HCFC2: variants seen among roughly 807,000 people sequenced by gnomAD.
HCFC2 encodes the protein host cell factor 2.
Under a neutral mutation model 89.2 loss-of-function variants are expected in HCFC2, and 18 were observed. The ratio of observed to expected loss-of-function variants is 0.20; its 90% CI spans 0.14 to 0.30. The LOEUF (loss-of-function observed/expected upper bound fraction) is 0.30, where lower values mean the gene tolerates loss of function less well. Ranked by LOEUF, HCFC2 falls within the 10% of genes least tolerant of loss-of-function variation. The probability of loss-of-function intolerance (pLI) is 1.00; values close to 1 mark genes in which losing one functional copy is unlikely to be tolerated. For missense variants in HCFC2, 578 were observed against 956.1 expected (o/e 0.60, Z 5.21); for synonymous variants, 308 against 335.7 (o/e 0.92, Z 0.90).
chr12:104,098,627 T>C (rs1277087986), intron 13 of HCFC2, 147 bp downstream of exon 13: 16 of 744,476 alleles, frequency 2.1e-5, no homozygotes, highest in Non-Finnish European at 3.5e-5. Flanking sequence ...ATGAGTAAAA[T>C]TGGGATCCAT....
intron 3 of HCFC2, among the ~76,000 whole-genome samples, chr12:104,072,458 A>G (rs1336541165): frequency 6.6e-6 from 1 of 152,142 alleles, no homozygotes; most frequent in East Asian, 1.9e-4. Flanking sequence ...TTTGAGGAGA[A>G]TCACCATCTT....
intron 7 of HCFC2, among the ~76,000 whole-genome samples, chr12:104,085,145 C>T (rs376182822): frequency 6.6e-6 from 1 of 152,190 alleles, no homozygotes; most frequent in African/African-American, 2.4e-5. Flanking sequence ...GAAGGACACA[C>T]ACCAAAGCAT....
At chr12:104,090,465 A>G (rs1593606684) in intron 9 of HCFC2, among the ~76,000 whole-genome samples, 1 of 151,496 alleles carries the variant, frequency 6.6e-6, no homozygotes, top group Non-Finnish European at 1.5e-5. Flanking sequence ...CATGACCTTC[A>G]TTACTGATGA....
intron 3 of HCFC2, among the ~76,000 whole-genome samples, chr12:104,077,496 G>A (rs1417343088): frequency 2.0e-5 from 3 of 150,796 alleles, no homozygotes; most frequent in Non-Finnish European, 2.9e-5. Context: ...TGCCCGCCTC[G>A]GCCTCCCAAA....
rs1338300146 is a variant in HCFC2, at chr12:104,095,597, C to T, written c.1666+34C>T. On this transcript the variant is annotated intron_variant, in intron 11 of 14. Transcript: ENST00000229330. This position sits in a 1 kb window ranked among gnomAD's most constrained non-coding sequence, Gnocchi z 4.2. The stretch of plus-strand genomic sequence containing the variant: ...TGTGTTTCACATACTGTATTTTGAA[C>T]CATTTATGTATATAAATTCATCAAA... 7 of 1,522,848 alleles carry T rather than the reference C, an allele frequency of 4.6e-6. No individual in the cohort carries two copies. Among genetic ancestry groups the T allele is most frequent in the Non-Finnish European group, 6.4e-6 (7 of 1,100,370 alleles). The allele number at this position is 1,522,848 out of a possible 1,614,324, so 94.3% of individuals were successfully genotyped here.
At chr12:104,088,664 T>C (rs1883938416) in intron 9 of HCFC2, among the ~76,000 whole-genome samples, 1 of 152,204 alleles carries the variant, frequency 6.6e-6, no homozygotes, top group South Asian at 2.1e-4. Flanking sequence ...GCTCATACGT[T>C]CTGAGTATGA....
Position 104,080,747 on chromosome 12 carries a change from A to G in HCFC2, c.684A>G (p.Glu228=). The G allele has an allele frequency of 6.3e-7, 1 of 1,580,828 alleles. No homozygotes were observed. Among genetic ancestry groups the G allele is most frequent in the East Asian group, 2.2e-5 (1 of 44,454 alleles). Residue 228 remains glutamate (E), a splice_region_variant and synonymous_variant, in exon 5 of 15, where the codon GAA becomes GAG. Coordinates refer to ENST00000229330, the MANE Select transcript of HCFC2 (RefSeq NM_013320.3). The stretch of plus-strand genomic sequence containing the variant: ...TAATATAATTATTTTTACTTTTAGA[A>G]ACTATGTCATGGTCAAAACCAGAAA... ...RLDDLWQLDL[E]TMSWSKPETK...
At position 104,099,377 on chromosome 12, in the gene HCFC2, C is replaced by T. The variant is rs1214694402; in HGVS notation, c.1878+897C>T. 2.6e-5 allele frequency among the ~76,000 whole-genome samples: 4 copies of T among 152,276 alleles called. No individual in the cohort carries two copies. In the East Asian group the frequency reaches 5.8e-4, roughly 22 times the overall value. On this transcript the variant is annotated intron_variant, in intron 13 of 14. Coordinates refer to ENST00000229330, the MANE Select transcript of HCFC2 (RefSeq NM_013320.3). Reference sequence around the variant, plus strand: ...GTGGGAAAACAGATCCAAATCATATCACCAAGTTACATTGTATTCTGTGTT... The same window carrying T: ...GTGGGAAAACAGATCCAAATCATATTACCAAGTTACATTGTATTCTGTGTT...
At chr12:104,073,496 A>G (rs1214716280) in intron 3 of HCFC2, among the ~76,000 whole-genome samples, 3 of 152,100 alleles carry the variant, frequency 2.0e-5, no homozygotes, top group Non-Finnish European at 2.9e-5. Flanking sequence ...TTTTCTGTTT[A>G]GTTTCATCAT....
At chr12:104,085,024 G>A (rs946989008) in intron 7 of HCFC2, among the ~76,000 whole-genome samples, 3 of 152,114 alleles carry the variant, frequency 2.0e-5, no homozygotes, top group Non-Finnish European at 4.4e-5. Flanking sequence ...GAATCTAGAG[G>A]CCATTAGAGA....
intron 4 of HCFC2, chr12:104,080,496 T>G (rs540289312): frequency 3.5e-6 from 1 of 283,462 alleles, no homozygotes; most frequent in African/African-American, 2.2e-5. Context: ...ATTTTCAGTC[T>G]GTGGTTAGTT....
chr12:104,088,082 T>C, intron 9 of HCFC2, 44 bp downstream of exon 9: 2 of 1,380,032 alleles, frequency 1.4e-6, no homozygotes, highest in Non-Finnish European at 2.0e-6. Context: ...TTTATGGTTA[T>C]AGTCTCAATT....
intron 13 of HCFC2, among the ~76,000 whole-genome samples, chr12:104,099,664 G>GT (rs973204277): frequency 6.6e-6 from 1 of 151,368 alleles, no homozygotes; most frequent in African/African-American, 2.4e-5. Context: ...AGAGTTTTTT[G>GT]TTTGTTTGTT....
chr12:104,091,880 A>C (rs1031663689), intron 9 of HCFC2, among the ~76,000 whole-genome samples: 1 of 152,196 alleles, frequency 6.6e-6, no homozygotes, highest in African/African-American at 2.4e-5. Flanking sequence ...TATATAGTAC[A>C]CTGCCTGCCA....
rs1338399513 is a variant in HCFC2 at position 104,082,913 on chromosome 12, T to C, written c.1063+12T>C. 6.4e-7 allele frequency: 1 copy of C among 1,571,890 alleles called. No individual in the cohort carries two copies. The highest frequency in any genetic ancestry group is 8.6e-7 in the Non-Finnish European group (1 of 1,160,662). On this transcript the variant is annotated intron_variant, in intron 7 of 14. Coordinates refer to ENST00000229330, the MANE Select transcript of HCFC2 (RefSeq NM_013320.3). ...GTATCTTGATACTGGTAGGTAAGAA[T>C]ATTTAACAAATAAACTTTTTCCTTT...
chr12:104,083,546 A>G (rs1883744892), intron 7 of HCFC2, among the ~76,000 whole-genome samples: 1 of 152,164 alleles, frequency 6.6e-6, no homozygotes, highest in Non-Finnish European at 1.5e-5. Context: ...AAACTGGTGA[A>G]ATCTGAGTTG....
intron 3 of HCFC2, among the ~76,000 whole-genome samples, chr12:104,074,301 C>G (rs906941110): frequency 3.3e-5 from 5 of 152,092 alleles, no homozygotes; most frequent in African/African-American, 1.2e-4. Context: ...TGCCACCATG[C>G]CCAGCTAATT....
rs1431994476 is a variant in HCFC2 at position 104,093,560 on chromosome 12, G to A, written c.1459G>A (p.Glu487Lys). 6.2e-7 allele frequency: 1 copy of A among 1,605,338 alleles called. No homozygotes were observed. The highest frequency in any genetic ancestry group is 1.1e-5 in the South Asian group (1 of 89,956). Reference protein sequence around the residue: ...SHVVDMLRKNEGPHTSANVGV... With the variant: ...SHVVDMLRKNKGPHTSANVGV... ...TGTGGTGGATATGCTAAGGAAAAAT[G>A]AAGGTATATGGATGACATTTTAAAC... The change falls in exon 10 of 15, where the codon GAA becomes AAA. Residue 487 changes from glutamate to lysine, a missense_variant. Glu to Lys is a moderately conservative substitution (Grantham distance 56, BLOSUM62 1). Coordinates refer to ENST00000229330, the MANE Select transcript of HCFC2 (RefSeq NM_013320.3).
At chr12:104,097,211 T>A (rs886614545) in intron 12 of HCFC2, among the ~76,000 whole-genome samples, 3 of 152,180 alleles carry the variant, frequency 2.0e-5, no homozygotes, top group African/African-American at 7.2e-5. Flanking sequence ...TTTAGAATCT[T>A]TAAGAATTCT....
Sources: gnomAD v4.1 joint callset for allele counts (sites outside exome capture counted in the v4.1 genomes callset) on GRCh38, gnomAD v4.1.1 for gene constraint, Gnocchi (gnomAD v3.1) non-coding constraint, MANE v1.5 for transcripts, NCBI Gene and HGNC (gene_info 2026-07-23, HGNC 2026-07-21) for gene names.